Variants in PDK1 observed in about 807,000 individuals in gnomAD.
PDK1 encodes [Pyruvate dehydrogenase (acetyl-transferring)] kinase isozyme 1, mitochondrial.
Under a neutral mutation model 54.2 loss-of-function variants are expected in PDK1, and 39 were observed. The observed-to-expected ratio is 0.72, with a 90% CI of 0.56 to 0.94. The LOEUF (loss-of-function observed/expected upper bound fraction) is 0.94. Among genes scored for constraint, PDK1 ranks in the 40% least tolerant of loss-of-function variants. PDK1 has a pLI of 0.00. For synonymous variants in PDK1, 221 were observed against 207.1 expected, an observed-to-expected ratio of 1.07 and a Z score of -0.58; for missense variants, 552 against 566.0, an observed-to-expected ratio of 0.98 and a Z score of 0.25.
intron 4 of PDK1, 59 bp from the exon 5 acceptor site, chr2:172,564,919 T>C: frequency 8.6e-7 from 1 of 1,161,122 alleles, no homozygotes; most frequent in East Asian, 2.3e-5. Context: ...GTATTCAGAT[T>C]TGGAAAAGAG....
At chr2:172,695,712 G>A in the PDK1 span, among the ~76,000 whole-genome samples, 2 of 152,160 alleles carry the variant, frequency 1.3e-5, no homozygotes, top group Non-Finnish European at 2.9e-5. Flanking sequence ...AATTGCTTAT[G>A]TTGGGAAAAG....
At chr2:172,646,735 CTTTTT>C in the PDK1 span, among the ~76,000 whole-genome samples, 3 of 72,060 alleles carry the variant, frequency 4.2e-5, 1 homozygote, top group Non-Finnish European at 8.1e-5. Context: ...CTTGCATTTC[CTTTTT>C]TTTTTTTTTT....
the PDK1 span, among the ~76,000 whole-genome samples, chr2:172,623,983 C>T: frequency 2.3e-4 from 35 of 152,272 alleles, no homozygotes; most frequent in African/African-American, 8.2e-4. Context: ...GTTTTTGCAG[C>T]TACTTACCCC....
chr2:172,653,249 G>T, the PDK1 span, among the ~76,000 whole-genome samples: 1 of 152,180 alleles, frequency 6.6e-6, no homozygotes, highest in Non-Finnish European at 1.5e-5. Context: ...AAATGGTGCT[G>T]TGAAAACTGG....
chr2:172,701,146 C>G, the PDK1 span, among the ~76,000 whole-genome samples: 1 of 152,108 alleles, frequency 6.6e-6, no homozygotes, highest in African/African-American at 2.4e-5. Context: ...ATGACAACAA[C>G]AACAACAAAA....
At chr2:172,627,749 A>G in the PDK1 span, among the ~76,000 whole-genome samples, 15 of 152,216 alleles carry the variant, frequency 9.9e-5, no homozygotes, top group African/African-American at 3.6e-4. Flanking sequence ...GAGCCAAGGA[A>G]GCTAGAATCA....
At position 172,600,733 on chromosome 2, in the gene PDK1, CGAGGA is replaced by C. The variant is rs1691085821; in HGVS notation, c.*4765_*4769del. ...GGGGATATCTTATCCTCCTAGGGTCCGAGGACGCTTTAGTTGGGACCAGGTGTGCT... is the reference window on the plus strand; with the variant it reads ...GGGGATATCTTATCCTCCTAGGGTCCCGCTTTAGTTGGGACCAGGTGTGCT... On this transcript the variant is annotated 3_prime_UTR_variant, in exon 11 of 11. Transcript: ENST00000282077. The C allele has an allele frequency of 3.9e-5, 6 of 152,206 alleles. No homozygotes were observed. Among genetic ancestry groups the C allele is most frequent in the African/African-American group, 1.4e-4 (6 of 41,408 alleles). The allele number at this position is 152,206 out of a possible 1,614,324, so 9.4% of individuals were successfully genotyped here.
intron 8 of PDK1, among the ~76,000 whole-genome samples, chr2:172,584,269 A>G (rs1186605228): frequency 6.6e-6 from 1 of 152,150 alleles, no homozygotes; most frequent in Non-Finnish European, 1.5e-5. Context: ...ACCCCAAACA[A>G]GAAGAGAAAA....
chr2:172,642,535 A>G, the PDK1 span, among the ~76,000 whole-genome samples: 1 of 152,134 alleles, frequency 6.6e-6, no homozygotes, highest in Admixed American at 6.5e-5. Context: ...TGAATCACAA[A>G]CTCAGCGTGG....
the PDK1 span, among the ~76,000 whole-genome samples, chr2:172,690,965 T>A: frequency 2.0e-5 from 3 of 150,176 alleles, no homozygotes; most frequent in Admixed American, 2.0e-4. Flanking sequence ...CTGCACGTTG[T>A]GCACATGTAC....
the PDK1 span, among the ~76,000 whole-genome samples, chr2:172,632,239 T>C: frequency 7.3e-5 from 11 of 151,216 alleles, no homozygotes; most frequent in Admixed American, 1.3e-4. Context: ...TGCACTCCAC[T>C]CCAGCCTGGG....
At chr2:172,683,220 G>A in the PDK1 span, among the ~76,000 whole-genome samples, 12 of 151,860 alleles carry the variant, frequency 7.9e-5, no homozygotes, top group African/African-American at 1.2e-4. Flanking sequence ...GGTGGCAGGC[G>A]CCTATAGTCC....
the PDK1 span, among the ~76,000 whole-genome samples, chr2:172,708,188 A>G: frequency 4.0e-5 from 6 of 151,856 alleles, no homozygotes; most frequent in Non-Finnish European, 4.4e-5. Flanking sequence ...ATTCGGGAGG[A>G]TGAGGTGGGA....
the PDK1 span, among the ~76,000 whole-genome samples, chr2:172,620,237 T>C: frequency 1.3e-5 from 2 of 152,140 alleles, no homozygotes; most frequent in East Asian, 1.9e-4. Context: ...TTGAAATAGG[T>C]ATCTGGACTT....
chr2:172,681,121 T>G, the PDK1 span, among the ~76,000 whole-genome samples: 1 of 152,212 alleles, frequency 6.6e-6, no homozygotes, highest in Non-Finnish European at 1.5e-5. Context: ...AGTTTTTCTT[T>G]CTCTTTGGGA....
In PDK1 at chr2:172,556,258, G is replaced by C. The variant is rs1213018464; in HGVS notation, c.108G>C (p.Pro36=). 1 of 1,479,694 alleles carries C rather than the reference G, an allele frequency of 6.8e-7. No homozygotes were observed. The highest frequency in any genetic ancestry group is 2.6e-5 in the Admixed American group (1 of 38,428). The allele number at this position is 1,479,694 out of a possible 1,614,324, so 91.7% of individuals were successfully genotyped here. The stretch of plus-strand genomic sequence containing the variant: ...TCAGCTCGGACTCGGGCTCCAGCCC[G>C]GCGTCCGAGCGCGGCGTTCCGGGCC... ...RSFSSDSGSS[P]ASERGVPGQV... Residue 36 remains proline (P), a synonymous_variant, in exon 1 of 11, where the codon CCG becomes CCC. Coordinates refer to ENST00000282077, the MANE Select transcript of PDK1 (RefSeq NM_002610.5).
the PDK1 span, among the ~76,000 whole-genome samples, chr2:172,614,766 G>A: frequency 6.6e-6 from 1 of 152,166 alleles, no homozygotes; most frequent in Non-Finnish European, 1.5e-5. Context: ...TGGAGGACAA[G>A]AATTCAGGCA....
At chr2:172,631,187 A>G in the PDK1 span, among the ~76,000 whole-genome samples, 308 of 152,358 alleles carry the variant, frequency 2.0e-3, 2 homozygotes, top group South Asian at 0.013. Context: ...ATCAAATAAC[A>G]AATTACCACA....
In PDK1 at chr2:172,601,477, G is replaced by A. The variant is rs188769788; in HGVS notation, c.*5508G>A. ...GGTTGGTTTCTCCCATGCTGTTCTC[G>A]TGATAGTTCCCATGAGATCTGATGG... On this transcript the variant is annotated 3_prime_UTR_variant, in exon 11 of 11. Transcript: ENST00000282077. 19 of 152,246 alleles carry A rather than the reference G, an allele frequency of 1.2e-4. No individual in the cohort carries two copies. Among genetic ancestry groups the A allele is most frequent in the African/African-American group, 4.1e-4 (17 of 41,546 alleles). 9.4% of individuals were successfully genotyped at this position (152,246 alleles called of 1,614,324 possible).
Sources: allele counts gnomAD v4.1 joint callset (sites outside exome capture counted in the v4.1 genomes callset), GRCh38; gene constraint gnomAD v4.1.1; transcripts MANE v1.5; gene names NCBI Gene and HGNC (gene_info 2026-07-23, HGNC 2026-07-21).